Variants in ZNF512 observed in about 807,000 individuals in gnomAD.
ZNF512 encodes the protein zinc finger protein 512.
ZNF512 carries 25 observed loss-of-function variants against 77.5 expected under a neutral mutation model. The ratio of observed to expected loss-of-function variants is 0.32; its 90% CI spans 0.23 to 0.45. The LOEUF is 0.45. Among genes scored for constraint, ZNF512 ranks in the 20% least tolerant of loss-of-function variants. The pLI is 1.00. For missense variants in ZNF512, 483 were observed against 692.6 expected (o/e 0.70, Z 3.40); for synonymous variants, 246 against 239.9 (o/e 1.03, Z -0.24).
chr2:27,603,838 TCCTCTTAC>T (rs1280479104), intron 9 of ZNF512, among the ~76,000 whole-genome samples: 1 of 151,878 alleles, frequency 6.6e-6, no homozygotes, highest in African/African-American at 2.4e-5. Flanking sequence ...CCTCAAGTGA[TCCTCTTAC>T]CTTGACCTCC....
chr2:27,613,719 T>C (rs1486884521), intron 10 of ZNF512, among the ~76,000 whole-genome samples: 2 of 152,084 alleles, frequency 1.3e-5, no homozygotes, highest in Non-Finnish European at 2.9e-5. Flanking sequence ...CACATATAAG[T>C]GGACCTGCAC....
Position 27,608,052 on chromosome 2 carries a change from CAT to C in ZNF512, c.1131+14_1131+15del, listed in dbSNP as rs780119444. On this transcript the variant is annotated intron_variant, in intron 10 of 13. Transcript: ENST00000355467. ...TGATGATCGAAAGGTAAGGCAGAAA[CAT>C]GTATCAATTTGGGAACCATTATGTC... 1.2e-5 allele frequency: 18 copies of C among 1,541,256 alleles called. No homozygotes were observed. The highest frequency in any genetic ancestry group is 3.9e-5 in the South Asian group (3 of 77,884).
rs111713533 is a variant in ZNF512 at position 27,594,939 on chromosome 2, G to A, written c.90-3128G>A. Reference sequence around the variant, plus strand: ...AGGTCAGGAGCTGGAGACCAGCCTGGTCAACACGGCGAAACCCCGTCTCCA... The same window carrying A: ...AGGTCAGGAGCTGGAGACCAGCCTGATCAACACGGCGAAACCCCGTCTCCA... On this transcript the variant is annotated intron_variant, in intron 2 of 13. Coordinates refer to ENST00000355467, the MANE Select transcript of ZNF512 (RefSeq NM_032434.4). Among the ~76,000 whole-genome samples, 134 of 152,344 alleles carry A rather than the reference G, an allele frequency of 8.8e-4. 1 individual carries two copies. Among genetic ancestry groups the A allele is most frequent in the African/African-American group, 3.1e-3 (130 of 41,588 alleles).
chr2:27,600,027 G>A lies in ZNF512; in HGVS notation c.431G>A (p.Arg144Gln). ...CCCAAATCCCAGGCCCGTCGTATTC[G>A]GAAGGAACCACCAGTTTATGCAGCA... The part of the protein sequence containing the change: ...PNPKSQARRI[R>Q]KEPPVYAAGS... The change falls in exon 5 of 14, where the codon CGG becomes CAG. Residue 144 changes from arginine (R) to glutamine (Q), a missense_variant. Arg to Gln is a conservative substitution (Grantham distance 43, BLOSUM62 1). Around this residue, in one of 2 missense-constraint regions of ZNF512, gnomAD observed 324 missense variants for 525.0 expected, o/e 0.62. Transcript: ENST00000355467. 1.2e-6 allele frequency: 2 copies of A among 1,614,120 alleles called. No homozygotes were observed. Among genetic ancestry groups the A allele is most frequent in the Non-Finnish European group, 8.5e-7 (1 of 1,180,030 alleles).
chr2:27,602,966 A>T (rs1672186103), intron 8 of ZNF512, among the ~76,000 whole-genome samples, 174 bp from the exon 9 acceptor site: 1 of 152,202 alleles, frequency 6.6e-6, no homozygotes, highest in Non-Finnish European at 1.5e-5. Context: ...TGATCAGAGT[A>T]AGATGGCCAG....
intron 2 of ZNF512, 68 bp from the exon 3 acceptor site, chr2:27,597,999 T>A: frequency 7.6e-7 from 1 of 1,316,920 alleles, no homozygotes. Flanking sequence ...TTGGTTATAA[T>A]GTAAAAGAAT....
At position 27,621,843 on chromosome 2, in the gene ZNF512, G is replaced by A. The variant is rs1250784274; in HGVS notation, c.*382G>A. On this transcript the variant is annotated 3_prime_UTR_variant, in exon 14 of 14. Transcript: ENST00000355467. ...TAGTAGCTGCTCCATCATCTAGCTT[G>A]TGAAACCATTCCAAACTAATTTTTT... The A allele has an allele frequency of 6.0e-6, 1 of 167,766 alleles. No homozygotes were observed. The highest frequency in any genetic ancestry group is 1.3e-5 in the Non-Finnish European group (1 of 76,148). The allele number at this position is 167,766 out of a possible 1,614,324, so 10.4% of individuals were successfully genotyped here.
intron 13 of ZNF512, 144 bp from the exon 14 acceptor site, chr2:27,621,009 T>A (rs890664609): frequency 5.7e-5 from 50 of 880,034 alleles, no homozygotes; most frequent in Non-Finnish European, 8.3e-5. Flanking sequence ...TCTTAAAATA[T>A]AGAATCCTGA....
chr2:27,583,314 G>T, intron 1 of ZNF512, 172 bp downstream of exon 1: 2 of 1,264,846 alleles, frequency 1.6e-6, no homozygotes, highest in Admixed American at 2.2e-5. Context: ...TCTGCTGCCT[G>T]TTCCCCACCT....
intron 2 of ZNF512, among the ~76,000 whole-genome samples, chr2:27,592,346 C>T (rs925312408): frequency 1.3e-5 from 2 of 150,796 alleles, no homozygotes; most frequent in Admixed American, 1.3e-4. Context: ...GAGTCTCGCT[C>T]TGTAGCCCAG....
chr2:27,612,798 CA>C (rs1672721950), intron 10 of ZNF512, among the ~76,000 whole-genome samples: 1 of 152,032 alleles, frequency 6.6e-6, no homozygotes, highest in Non-Finnish European at 1.5e-5. Flanking sequence ...TAGTATTTTC[CA>C]AAGTTACTGA....
chr2:27,621,553 C>T lies in ZNF512; in HGVS notation c.*92C>T, dbSNP rs1673124270. On this transcript the variant is annotated 3_prime_UTR_variant, in exon 14 of 14. Coordinates refer to ENST00000355467, the MANE Select transcript of ZNF512 (RefSeq NM_032434.4). ...GAGGACTGAGTGAAGATTCTTTCAGCTGTTTGTGTAAGGCTGTGACTTTCT... is the reference window on the plus strand; with the variant it reads ...GAGGACTGAGTGAAGATTCTTTCAGTTGTTTGTGTAAGGCTGTGACTTTCT... The T allele has an allele frequency of 7.4e-7, 1 of 1,347,692 alleles. No homozygotes were observed. The highest frequency in any genetic ancestry group is 2.6e-5 in the Admixed American group (1 of 38,082). The allele number at this position is 1,347,692 out of a possible 1,614,324, so 83.5% of individuals were successfully genotyped here.
At chr2:27,615,374 A>C in intron 11 of ZNF512, 105 bp downstream of exon 11, 1 of 679,108 alleles carries the variant, frequency 1.5e-6, no homozygotes, top group Non-Finnish European at 2.4e-6. Flanking sequence ...CAGTGGCTTA[A>C]AACAATTATT....
chr2:27,620,196 T>G (rs1673056795), intron 13 of ZNF512, among the ~76,000 whole-genome samples: 1 of 152,212 alleles, frequency 6.6e-6, no homozygotes, highest in Admixed American at 6.5e-5. Context: ...AATAAATTAT[T>G]GAGATATTTT....
chr2:27,615,131 G>C, intron 10 of ZNF512, 37 bp from the exon 11 acceptor site: 1 of 1,331,524 alleles, frequency 7.5e-7, no homozygotes, highest in Non-Finnish European at 1.1e-6. Context: ...GTTGGGAGTT[G>C]TATTTATCTA....
At position 27,608,139 on chromosome 2, in the gene ZNF512, AG is replaced by A. The variant is rs1672450197; in HGVS notation, c.1131+101del. 35 of 1,138,228 alleles carry A rather than the reference AG, an allele frequency of 3.1e-5. 1 individual carries two copies. In the South Asian group the frequency reaches 6.2e-4, roughly 20 times the overall value. The allele number at this position is 1,138,228 out of a possible 1,614,324, so 70.5% of individuals were successfully genotyped here. A position where few individuals can be genotyped will look rare whatever the true frequency, so the allele number is the denominator to read the frequency against. ...GCACTTGAGGAAGTACGTGATAGGC[AG>A]TATTTTGTTTGTTTATCTTTGGAGA... On this transcript the variant is annotated intron_variant, in intron 10 of 13. Coordinates refer to ENST00000355467, the MANE Select transcript of ZNF512 (RefSeq NM_032434.4).
At chr2:27,595,186 C>T (rs1671803253) in intron 2 of ZNF512, among the ~76,000 whole-genome samples, 1 of 152,120 alleles carries the variant, frequency 6.6e-6, no homozygotes, top group Non-Finnish European at 1.5e-5. Flanking sequence ...TCTTTCGCCT[C>T]TCCCTCTGGG....
At position 27,607,911 on chromosome 2, in the gene ZNF512, G is replaced by C. The variant is rs145004046; in HGVS notation, c.1003G>C (p.Gly335Arg). The C allele has an allele frequency of 1.2e-6, 2 of 1,613,974 alleles. No homozygotes were observed. The highest frequency in any genetic ancestry group is 2.2e-5 in the East Asian group (1 of 44,888). The change falls in exon 10 of 14, where the codon GGG (glycine) becomes CGG (arginine). Residue 335 changes from glycine (G) to arginine (R), a missense_variant. By Grantham distance (125) the Gly-to-Arg change is moderately radical (BLOSUM62 -2). Transcript: ENST00000355467. ...GGAGATGAACCTAGAGTCAAAGAGT[G>C]GGGGCCGAGTTCAGAGACGTTCTGC... is the stretch of plus-strand genomic sequence containing the variant. ...LKEMNLESKS[G>R]GRVQRRSAKI...
At chr2:27,605,993 T>C (rs1413014471) in intron 9 of ZNF512, among the ~76,000 whole-genome samples, 3 of 152,222 alleles carry the variant, frequency 2.0e-5, no homozygotes, top group African/African-American at 7.2e-5. Context: ...TTTTATTTTT[T>C]GATCCATTCT....
Sources: allele counts gnomAD v4.1 joint callset (sites outside exome capture counted in the v4.1 genomes callset), GRCh38; gene constraint gnomAD v4.1.1; regional missense constraint gnomAD v4.1.1; transcripts MANE v1.5; gene names NCBI Gene and HGNC (gene_info 2026-07-23, HGNC 2026-07-21).